The following MDN1 variants were observed in gnomAD, a reference collection of about 807,000 sequenced individuals.
The protein encoded by MDN1 is midasin.
Under a neutral mutation model 669.2 loss-of-function variants are expected in MDN1, and 266 were observed. That is an observed-to-expected ratio of 0.40 (90% CI 0.36 to 0.44). The LOEUF (loss-of-function observed/expected upper bound fraction) is 0.44. Ranked by LOEUF, MDN1 falls within the 20% of genes least tolerant of loss-of-function variation. The pLI is 1.00. For synonymous variants in MDN1, 2,385 were observed against 2,457.1 expected (o/e 0.97, Z 0.87); for missense variants, 5,940 against 6,754.0 (o/e 0.88, Z 4.22).
intron 76 of MDN1, among the ~76,000 whole-genome samples, chr6:89,677,016 C>CAAAAAA (rs577064668): frequency 1.2e-5 from 1 of 80,272 alleles, no homozygotes; most frequent in Non-Finnish European, 2.4e-5. Context: ...AATCAAAAGG[C>CAAAAAA]AAAAAAAAAA....
At chr6:89,802,042 G>C (rs768440682) in intron 2 of MDN1, among the ~76,000 whole-genome samples, 206 of 152,270 alleles carry the variant, frequency 1.4e-3, no homozygotes, top group Non-Finnish European at 2.3e-3. Context: ...CTATAGCTGA[G>C]GGGATTTGGG....
intron 9 of MDN1, 111 bp from the exon 10 acceptor site, chr6:89,781,703 T>G: frequency 1.1e-6 from 1 of 927,286 alleles, no homozygotes; most frequent in Non-Finnish European, 1.6e-6. Flanking sequence ...TCTATGAAAT[T>G]TGTTCACTGG....
chr6:89,732,418 A>G, intron 34 of MDN1, 139 bp downstream of exon 34: 1 of 725,556 alleles, frequency 1.4e-6, no homozygotes, highest in Non-Finnish European at 2.3e-6. Flanking sequence ...AGTACAAACA[A>G]AAGGAAAGCC....
chr6:89,781,806 A>G (rs1206618619), intron 9 of MDN1, among the ~76,000 whole-genome samples: 6 of 152,108 alleles, frequency 3.9e-5, no homozygotes. Context: ...CTTGGGCAAC[A>G]TGGTGAAACA....
At chr6:89,797,736 A>G in intron 2 of MDN1, 1 of 402,518 alleles carries the variant, frequency 2.5e-6, no homozygotes. Context: ...ATTAAAAATG[A>G]CAAAACAGAA....
chr6:89,764,825 G>A (rs9359863), intron 15 of MDN1, among the ~76,000 whole-genome samples: 6,902 of 152,260 alleles, frequency 0.045, 288 homozygotes, highest in East Asian at 0.22. Flanking sequence ...GTCAGATTAT[G>A]AAGGGCTATA....
At chr6:89,665,706 C>CA (rs61352567) in intron 84 of MDN1, among the ~76,000 whole-genome samples, 12,560 of 124,910 alleles carry the variant, frequency 0.1, 648 homozygotes, top group Non-Finnish European at 0.14. Context: ...GACTCCGTTT[C>CA]AAAAAAAAAA....
chr6:89,659,802 A>G (rs957609876), intron 88 of MDN1, among the ~76,000 whole-genome samples: 36 of 152,252 alleles, frequency 2.4e-4, no homozygotes, highest in African/African-American at 8.4e-4. Context: ...TCTTATTTTG[A>G]AAAAGTTTTA....
rs367744077 is a variant in MDN1 at position 89,688,219 on chromosome 6, C to A, written c.11260-46G>T. The A allele has an allele frequency of 2.6e-6, 4 of 1,535,334 alleles. No individual in the cohort carries two copies. The African/African-American group carries it at 5.5e-5, about 21-fold the overall frequency. ...GTATCTCAGTAGGAATACCAGTGAT[C>A]CTAAGTCACAGGGTACTGAAGAGAG... On this transcript the variant is annotated intron_variant, in intron 66 of 101. Coordinates refer to ENST00000369393, the MANE Select transcript of MDN1 (RefSeq NM_014611.3).
In MDN1 at chr6:89,758,262, T is replaced by G; in HGVS notation, c.2695A>C (p.Arg899=). 1 of 1,608,248 alleles carries G rather than the reference T, an allele frequency of 6.2e-7. No homozygotes were observed. Among genetic ancestry groups the G allele is most frequent in the Non-Finnish European group, 8.5e-7 (1 of 1,176,442 alleles). The change falls in exon 19 of 102, where the codon AGA becomes CGA. Residue 899 remains arginine (R), a synonymous_variant. Transcript: ENST00000369393. Reference sequence around the variant, plus strand: ...CAAGAACCAAACCCTCACCTGTTTCTTATTCCTGGTGGGAGATTTCTTTTG... The same window carrying G: ...CAAGAACCAAACCCTCACCTGTTTCGTATTCCTGGTGGGAGATTTCTTTTG... ...VGKRNLPPGI[R]NRFTELYVEE... is the part of the protein sequence containing the mutation.
intron 1 of MDN1, chr6:89,815,117 G>T (rs1370967552): frequency 2.5e-6 from 1 of 404,172 alleles, no homozygotes. Flanking sequence ...GTATGGAGCT[G>T]CCCCTGACCA....
chr6:89,776,161 T>A (rs1226427299), intron 12 of MDN1, among the ~76,000 whole-genome samples: 3 of 152,278 alleles, frequency 2.0e-5, no homozygotes. Context: ...AGGAAGCTCC[T>A]TTTAAGAATG....
intron 44 of MDN1, among the ~76,000 whole-genome samples, chr6:89,716,013 T>G (rs536456938): frequency 2.0e-5 from 3 of 152,150 alleles, no homozygotes; most frequent in Non-Finnish European, 4.4e-5. Flanking sequence ...ATAAATGAAA[T>G]TAAAGAAAAT....
intron 87 of MDN1, 42 bp downstream of exon 87, chr6:89,662,045 G>A: frequency 6.3e-7 from 1 of 1,585,100 alleles, no homozygotes; most frequent in Non-Finnish European, 8.6e-7. Context: ...AAGAGCTCTG[G>A]CCTTGAGTCA....
In MDN1 at chr6:89,693,126, G is replaced by T. The variant is rs373042392; in HGVS notation, c.9904C>A (p.Arg3302=). 1.3e-6 allele frequency: 2 copies of T among 1,597,840 alleles called. No individual in the cohort carries two copies. The highest frequency in any genetic ancestry group is 1.7e-6 in the Non-Finnish European group (2 of 1,172,942). Residue 3302 remains arginine, a synonymous_variant, in exon 63 of 102, where the codon CGG becomes AGG. Transcript: ENST00000369393. ...AGGTGACAGGTTAAATTATCCAGCC[G>T]ATCCATCCTTTGGCGAAGCAGCCTA... The part of the protein sequence containing the change: ...HVRLLRQRMD[R]LDNLTCHLLK...
intron 79 of MDN1, 118 bp from the exon 80 acceptor site, chr6:89,673,580 C>T (rs938758178): frequency 3.7e-5 from 31 of 836,640 alleles, no homozygotes; most frequent in African/African-American, 1.5e-4. Context: ...TGAAGGTTTA[C>T]GGCTAAACAC....
intron 61 of MDN1, 130 bp from the exon 62 acceptor site, chr6:89,694,313 G>T: frequency 1.4e-6 from 1 of 709,136 alleles, no homozygotes; most frequent in Non-Finnish European, 2.5e-6. Flanking sequence ...AAGGAGAGGT[G>T]GCTCTGCTCC....
chr6:89,671,152 ATAG>A (rs1810725691), intron 82 of MDN1, 72 bp from the exon 83 acceptor site: 1 of 1,496,748 alleles, frequency 6.7e-7, no homozygotes, highest in Admixed American at 2.0e-5. Context: ...CTGGAACTAG[ATAG>A]TGGTGGTAAT....
At chr6:89,750,138 C>T (rs1304351753) in intron 24 of MDN1, among the ~76,000 whole-genome samples, 1 of 152,106 alleles carries the variant, frequency 6.6e-6, no homozygotes, top group African/African-American at 2.4e-5. Context: ...GAAAATTGGC[C>T]CTAGTCCTGT....
Sources: allele counts gnomAD v4.1 joint callset (sites outside exome capture counted in the v4.1 genomes callset), GRCh38; gene constraint gnomAD v4.1.1; transcripts MANE v1.5; gene names NCBI Gene and HGNC (gene_info 2026-07-23, HGNC 2026-07-21).